The following DISP1 variants were observed in gnomAD, a reference collection of about 807,000 sequenced individuals.
DISP1 encodes the protein protein dispatched homolog 1.
In DISP1, 30 loss-of-function variants were observed where a neutral mutation model predicts 37.3. That is an observed-to-expected ratio of 0.80 (90% CI 0.60 to 1.09). The LOEUF (loss-of-function observed/expected upper bound fraction) is 1.09, where lower values mean the gene tolerates loss of function less well. DISP1 is among the 50% of genes least tolerant of loss of function. The probability of loss-of-function intolerance (pLI) is 0.00; values close to 1 mark genes in which losing one functional copy is unlikely to be tolerated. For synonymous variants in DISP1, 634 were observed against 690.2 expected (o/e 0.92, Z 1.28); for missense variants, 1,598 against 1,879.5 (o/e 0.85, Z 2.77).
intron 1 of DISP1, among the ~76,000 whole-genome samples, chr1:222,831,637 G>A (rs1299811036): frequency 6.6e-6 from 1 of 152,134 alleles, no homozygotes; most frequent in Non-Finnish European, 1.5e-5. Context: ...ACAAGACAAA[G>A]AGATTAGAGA....
chr1:222,979,512 A>C, intron 3 of DISP1: 1 of 413,260 alleles, frequency 2.4e-6, no homozygotes, highest in Non-Finnish European at 5.1e-6. Context: ...TGTACACTTA[A>C]TTGGGTGAAT....
In DISP1 at chr1:222,997,780, C is replaced by G. The variant is rs61838465; in HGVS notation, c.987+2798C>G. Among the ~76,000 whole-genome samples, 718 of 152,236 alleles carry G rather than the reference C, an allele frequency of 4.7e-3. 8 individuals are homozygous for G. The highest frequency in any genetic ancestry group is 0.018 in the South Asian group (85 of 4,826). ...TATTTTCTAAGTCAACAACTAAAAG[C>G]ATTATCTATATGCTTTGGCAGTTAA... On this transcript the variant is annotated intron_variant, in intron 8 of 8. Transcript: ENST00000675850.
intron 1 of DISP1, among the ~76,000 whole-genome samples, chr1:222,919,784 A>G (rs145741518): frequency 9.9e-4 from 151 of 152,274 alleles, no homozygotes; most frequent in African/African-American, 3.6e-3. Flanking sequence ...TACTAGCCCT[A>G]ATGTTTTCTA....
intron 8 of DISP1, among the ~76,000 whole-genome samples, chr1:223,000,283 C>T (rs945627537): frequency 3.3e-5 from 5 of 152,104 alleles, no homozygotes; most frequent in African/African-American, 9.7e-5. Flanking sequence ...TTGTATGTTA[C>T]GTCTTTGTAA....
At chr1:222,832,627 G>T (rs868809670) in intron 1 of DISP1, among the ~76,000 whole-genome samples, 2 of 152,256 alleles carry the variant, frequency 1.3e-5, no homozygotes, top group Admixed American at 1.3e-4. Context: ...CGGCATGGTG[G>T]CTCACACCTA....
chr1:222,827,273 G>A (rs899725365), intron 1 of DISP1: 1 of 152,132 alleles, frequency 6.6e-6, no homozygotes, highest in African/African-American at 2.4e-5. Flanking sequence ...TTCTGTAAAT[G>A]TACAGATGGT....
At chr1:222,852,240 G>GT (rs1408614104) in intron 1 of DISP1, among the ~76,000 whole-genome samples, 1 of 134,710 alleles carries the variant, frequency 7.4e-6, no homozygotes, top group East Asian at 2.5e-4. Context: ...CAGCATTTGG[G>GT]GTTTTTTTTT....
At chr1:222,867,293 T>C (rs1396519699) in intron 1 of DISP1, among the ~76,000 whole-genome samples, 2 of 152,228 alleles carry the variant, frequency 1.3e-5, no homozygotes, top group Non-Finnish European at 2.9e-5. Flanking sequence ...TAATTGGAAC[T>C]AAGCCAAACA....
At chr1:222,853,596 G>A (rs1668390588) in intron 1 of DISP1, among the ~76,000 whole-genome samples, 1 of 152,144 alleles carries the variant, frequency 6.6e-6, no homozygotes, top group Non-Finnish European at 1.5e-5. Flanking sequence ...ACAGCAACAT[G>A]GATGGAGCTG....
chr1:222,929,867 T>C (rs1673291017), intron 2 of DISP1, among the ~76,000 whole-genome samples: 1 of 152,164 alleles, frequency 6.6e-6, no homozygotes. Flanking sequence ...TTAGGACTTT[T>C]TAGTATTAAA....
intron 1 of DISP1, among the ~76,000 whole-genome samples, chr1:222,873,919 TC>T (rs1382949480): frequency 1.3e-5 from 2 of 152,142 alleles, no homozygotes; most frequent in African/African-American, 4.8e-5. Flanking sequence ...TACCGGTTGT[TC>T]CTTTCCATGT....
At chr1:222,852,755 C>A (rs866883745) in intron 1 of DISP1, among the ~76,000 whole-genome samples, 3 of 152,148 alleles carry the variant, frequency 2.0e-5, no homozygotes, top group African/African-American at 7.2e-5. Flanking sequence ...GGGGAATAAT[C>A]AAACCAAATG....
chr1:222,867,663 A>C (rs1669273379), intron 1 of DISP1, among the ~76,000 whole-genome samples: 1 of 152,190 alleles, frequency 6.6e-6, no homozygotes, highest in Non-Finnish European at 1.5e-5. Context: ...CCTCCAGTTA[A>C]CTAACTTGTC....
At chr1:222,875,830 T>A (rs141535323) in intron 1 of DISP1, among the ~76,000 whole-genome samples, 272 of 132,196 alleles carry the variant, frequency 2.1e-3, no homozygotes, top group Non-Finnish European at 2.9e-3. Flanking sequence ...CACATCTCAA[T>A]AAAAAAAAAA....
chr1:222,884,746 T>C (rs1174123280), intron 1 of DISP1, among the ~76,000 whole-genome samples: 3 of 152,252 alleles, frequency 2.0e-5, no homozygotes, highest in Non-Finnish European at 4.4e-5. Flanking sequence ...CCCTTCATGA[T>C]TAATGAGTAT....
intron 3 of DISP1, among the ~76,000 whole-genome samples, chr1:222,970,153 C>T (rs1156570273): frequency 2.0e-5 from 3 of 152,174 alleles, no homozygotes; most frequent in Admixed American, 6.5e-5. Context: ...GTAAACTAGA[C>T]GATTCCTGAG....
At chr1:222,896,840 C>T (rs534163524) in intron 1 of DISP1, among the ~76,000 whole-genome samples, 5 of 152,128 alleles carry the variant, frequency 3.3e-5, no homozygotes, top group Admixed American at 6.5e-5. Context: ...ATTTAAAACC[C>T]ACAATGAGAT....
chr1:222,987,504 T>C (rs1018207817), intron 4 of DISP1, among the ~76,000 whole-genome samples: 9 of 152,328 alleles, frequency 5.9e-5, no homozygotes, highest in Admixed American at 4.6e-4. Context: ...AAATCACTAA[T>C]GCCATAAAGT....
intron 1 of DISP1, among the ~76,000 whole-genome samples, chr1:222,881,105 T>C (rs1217332027): frequency 1.3e-5 from 2 of 152,170 alleles, no homozygotes; most frequent in East Asian, 3.8e-4. Flanking sequence ...GTGTTATATA[T>C]AGGAAAATTA....
Sources: allele counts gnomAD v4.1 joint callset (sites outside exome capture counted in the v4.1 genomes callset), GRCh38; gene constraint gnomAD v4.1.1; transcripts MANE v1.5; gene names NCBI Gene and HGNC (gene_info 2026-07-23, HGNC 2026-07-21).